TSHZ2: variants seen among roughly 807,000 people sequenced by gnomAD.
TSHZ2 encodes teashirt homolog 2.
A neutral mutation model predicts 74.4 loss-of-function variants in TSHZ2; 21 were observed. The observed-to-expected ratio is 0.28, with a 90% CI of 0.20 to 0.41. The LOEUF (loss-of-function observed/expected upper bound fraction) is 0.41. TSHZ2 is among the 10% of genes least tolerant of loss of function. The pLI, the probability that TSHZ2 is intolerant of heterozygous loss-of-function variation, is 1.00. For missense variants in TSHZ2, 1,244 were observed against 1,293.5 expected (o/e 0.96, Z 0.59); for synonymous variants, 540 against 515.3 (o/e 1.05, Z -0.65).
At chr20:53,361,839 C>T (rs2145605128) in intron 2 of TSHZ2, among the ~76,000 whole-genome samples, 1 of 152,290 alleles carries the variant, frequency 6.6e-6, no homozygotes, top group South Asian at 2.1e-4. Flanking sequence ...TTCTAACTCT[C>T]TGAGCCATGC....
At chr20:53,139,703 T>G (rs1282208397) in intron 1 of TSHZ2, among the ~76,000 whole-genome samples, 1 of 149,130 alleles carries the variant, frequency 6.7e-6, no homozygotes, top group African/African-American at 2.4e-5. Flanking sequence ...TACAATAATT[T>G]ATCATGATGT....
At chr20:53,181,547 G>A (rs1021894233) in intron 1 of TSHZ2, among the ~76,000 whole-genome samples, 21 of 152,184 alleles carry the variant, frequency 1.4e-4, no homozygotes, top group Non-Finnish European at 2.4e-4. Flanking sequence ...TAACAAATCA[G>A]GGGCTCTGAG....
intron 2 of TSHZ2, among the ~76,000 whole-genome samples, chr20:53,270,274 G>A (rs1183693810): frequency 1.3e-5 from 2 of 152,140 alleles, no homozygotes; most frequent in East Asian, 3.9e-4. Flanking sequence ...GCCCCTGGCT[G>A]GCCTTGAGTT....
At chr20:53,258,978 T>C (rs1990544087) in intron 2 of TSHZ2, among the ~76,000 whole-genome samples, 1 of 152,306 alleles carries the variant, frequency 6.6e-6, no homozygotes, top group Middle Eastern at 3.4e-3. Flanking sequence ...AATACTCCTA[T>C]CTGCCTGAAT....
intron 1 of TSHZ2, among the ~76,000 whole-genome samples, chr20:53,235,689 T>C (rs974197402): frequency 1.3e-5 from 2 of 152,154 alleles, no homozygotes; most frequent in African/African-American, 4.8e-5. Flanking sequence ...ATGAGAGAGA[T>C]TTTATGAGAT....
chr20:53,040,444 C>T (rs1277029833), intron 1 of TSHZ2, among the ~76,000 whole-genome samples: 1 of 152,008 alleles, frequency 6.6e-6, no homozygotes, highest in East Asian at 1.9e-4. Flanking sequence ...GCAATGGGAG[C>T]CATGGAAGGG....
At chr20:53,003,351 T>A (rs922972722) in intron 1 of TSHZ2, among the ~76,000 whole-genome samples, 14 of 151,870 alleles carry the variant, frequency 9.2e-5, no homozygotes, top group African/African-American at 2.9e-4. Flanking sequence ...GCTGGACAGC[T>A]CAGGATCTTA....
At chr20:53,222,063 A>G (rs1989575152) in intron 1 of TSHZ2, among the ~76,000 whole-genome samples, 1 of 152,180 alleles carries the variant, frequency 6.6e-6, no homozygotes, top group Admixed American at 6.5e-5. Context: ...CTAATGGTCA[A>G]AAGCTAGCTC....
chr20:53,320,125 A>G (rs1014605149), intron 2 of TSHZ2, among the ~76,000 whole-genome samples: 1 of 152,196 alleles, frequency 6.6e-6, no homozygotes, highest in African/African-American at 2.4e-5. Context: ...CGTTACGGTC[A>G]TTATCTTCAT....
At chr20:53,466,805 CT>C (rs986446700) in intron 2 of TSHZ2, among the ~76,000 whole-genome samples, 3 of 152,136 alleles carry the variant, frequency 2.0e-5, no homozygotes, top group Non-Finnish European at 4.4e-5. Flanking sequence ...CTTTGTGACC[CT>C]TTTAATTTAT....
At chr20:53,264,480 T>G (rs569211284) in intron 2 of TSHZ2, among the ~76,000 whole-genome samples, 2 of 152,348 alleles carry the variant, frequency 1.3e-5, no homozygotes, top group South Asian at 2.1e-4. Context: ...CTTAATGAGC[T>G]GATTTTTGAA....
intron 1 of TSHZ2, among the ~76,000 whole-genome samples, chr20:53,027,533 G>A (rs985779066): frequency 2.0e-5 from 3 of 152,132 alleles, no homozygotes; most frequent in Admixed American, 6.6e-5. Flanking sequence ...TTACCACATA[G>A]GAGGAGTGAC....
At chr20:53,436,539 A>ATTTTTTTTTTT (rs1368192791) in intron 2 of TSHZ2, among the ~76,000 whole-genome samples, 6 of 90,034 alleles carry the variant, frequency 6.7e-5, no homozygotes, top group Non-Finnish European at 1.0e-4. Context: ...TATTATTATT[A>ATTTTTTTTTTT]TTATTATTAT....
At chr20:53,451,757 G>A (rs1984793558) in intron 2 of TSHZ2, among the ~76,000 whole-genome samples, 1 of 152,102 alleles carries the variant, frequency 6.6e-6, no homozygotes, top group African/African-American at 2.4e-5. Context: ...TATTATGTGT[G>A]TGAATGTCTG....
intron 2 of TSHZ2, among the ~76,000 whole-genome samples, chr20:53,447,480 C>T (rs1199835474): frequency 6.6e-6 from 1 of 152,204 alleles, no homozygotes; most frequent in African/African-American, 2.4e-5. Flanking sequence ...AAGCATGGTA[C>T]AATTATCACA....
intron 1 of TSHZ2, among the ~76,000 whole-genome samples, chr20:53,246,853 A>G (rs1013730542): frequency 3.9e-5 from 6 of 152,252 alleles, no homozygotes; most frequent in African/African-American, 1.4e-4. Context: ...CCAGGAAAGA[A>G]GCAACAAGCG....
intron 1 of TSHZ2, among the ~76,000 whole-genome samples, chr20:53,236,536 G>A (rs1417245915): frequency 6.6e-6 from 1 of 152,208 alleles, no homozygotes; most frequent in East Asian, 1.9e-4. Flanking sequence ...AAACTGACAT[G>A]CCACAAGTAA....
At chr20:53,460,421 G>A (rs996586224) in intron 2 of TSHZ2, among the ~76,000 whole-genome samples, 2 of 152,156 alleles carry the variant, frequency 1.3e-5, no homozygotes, top group African/African-American at 2.4e-5. Flanking sequence ...GCACTTCTCT[G>A]TATTGGTTAT....
chr20:53,363,508 C>T (rs1170207318), intron 2 of TSHZ2, among the ~76,000 whole-genome samples: 1 of 152,200 alleles, frequency 6.6e-6, no homozygotes, highest in Admixed American at 6.5e-5. Flanking sequence ...TGATTTTGAA[C>T]CTAGCTTGAG....
Sources: allele counts gnomAD v4.1 joint callset (sites outside exome capture counted in the v4.1 genomes callset), GRCh38; gene constraint gnomAD v4.1.1; transcripts MANE v1.5; gene names NCBI Gene and HGNC (gene_info 2026-07-23, HGNC 2026-07-21).